The following NNT variants were observed in gnomAD, a reference collection of about 807,000 sequenced individuals.
NNT encodes the protein nicotinamide nucleotide transhydrogenase.
In NNT, 50 loss-of-function variants were observed where a neutral mutation model predicts 104.8. That is an observed-to-expected ratio of 0.48 (90% confidence interval 0.38 to 0.60). The LOEUF is 0.60. NNT is among the 20% of genes least tolerant of loss of function. NNT has a pLI of 0.00. For missense variants in NNT, 1,131 were observed against 1,330.7 expected, an observed-to-expected ratio of 0.85 and a Z score of 2.33; for synonymous variants, 461 against 490.4, an observed-to-expected ratio of 0.94 and a Z score of 0.79.
chr5:43,640,430 T>C (rs1484439205), intron 7 of NNT, among the ~76,000 whole-genome samples: 5 of 152,140 alleles, frequency 3.3e-5, no homozygotes, highest in South Asian at 2.1e-4. Context: ...GGCTTTTCAA[T>C]TGGTAAGTAA....
intron 21 of NNT, among the ~76,000 whole-genome samples, chr5:43,703,010 G>A (rs1742939772): frequency 6.6e-6 from 1 of 152,148 alleles, no homozygotes; most frequent in Non-Finnish European, 1.5e-5. Context: ...AGAGCTGTGA[G>A]CTTTTGTAAT....
In NNT at chr5:43,676,149, C is replaced by T. The variant is rs541961866; in HGVS notation, c.2794+479C>T. Among the ~76,000 whole-genome samples, 10 of 152,272 alleles carry T rather than the reference C, an allele frequency of 6.6e-5. No individual in the cohort carries two copies. In the East Asian group the frequency reaches 1.5e-3, roughly 24 times the overall value. On this transcript the variant is annotated intron_variant, in intron 18 of 21. Transcript: ENST00000344920. Reference sequence around the variant, plus strand: ...GTAGAAAGAGCTTGGTATGGAGTCACGATACCTCACTTTTGTTCTTAATTT... The same window carrying T: ...GTAGAAAGAGCTTGGTATGGAGTCATGATACCTCACTTTTGTTCTTAATTT...
At chr5:43,699,048 T>C (rs923761984) in intron 19 of NNT, among the ~76,000 whole-genome samples, 2 of 152,124 alleles carry the variant, frequency 1.3e-5, no homozygotes, top group Admixed American at 1.3e-4. Flanking sequence ...TCACTTCTTA[T>C]GGAGCCCTTT....
chr5:43,608,741 G>A (rs1374353392), intron 1 of NNT, among the ~76,000 whole-genome samples: 1 of 152,164 alleles, frequency 6.6e-6, no homozygotes, highest in Non-Finnish European at 1.5e-5. Context: ...AAATTCAAAG[G>A]TAACTGAATT....
chr5:43,681,259 C>CAAAAAA (rs559273026), intron 19 of NNT, among the ~76,000 whole-genome samples: 4 of 58,686 alleles, frequency 6.8e-5, no homozygotes, highest in African/African-American at 1.6e-4. Flanking sequence ...GGCTCCTTCT[C>CAAAAAA]AAAAAAAAAA....
At chr5:43,682,726 T>C (rs1216820663) in intron 19 of NNT, among the ~76,000 whole-genome samples, 3 of 152,228 alleles carry the variant, frequency 2.0e-5, no homozygotes, top group African/African-American at 7.2e-5. Flanking sequence ...CAGTTTCATG[T>C]CAGCTTTGTA....
At chr5:43,629,359 A>G (rs1750553812) in intron 7 of NNT, among the ~76,000 whole-genome samples, 1 of 152,080 alleles carries the variant, frequency 6.6e-6, no homozygotes, top group Non-Finnish European at 1.5e-5. Context: ...ATGTATATGT[A>G]TGTTTATCTA....
At chr5:43,614,863 C>T (rs1046156258) in intron 3 of NNT, among the ~76,000 whole-genome samples, 17 of 152,168 alleles carry the variant, frequency 1.1e-4, no homozygotes, top group Admixed American at 3.3e-4. Context: ...GATGGCCGGG[C>T]GCAGTGGCTC....
chr5:43,640,584 T>C (rs1751177482), intron 7 of NNT, among the ~76,000 whole-genome samples: 1 of 152,130 alleles, frequency 6.6e-6, no homozygotes, highest in Non-Finnish European at 1.5e-5. Context: ...TGTGGTTTTT[T>C]TGGAGATGCT....
chr5:43,616,885 T>C (rs777424219), intron 4 of NNT, among the ~76,000 whole-genome samples: 4 of 152,160 alleles, frequency 2.6e-5, no homozygotes, highest in Non-Finnish European at 5.9e-5. Flanking sequence ...ATTTTAATCA[T>C]GAAAACTATT....
chr5:43,613,034 C>T lies in NNT; in HGVS notation c.278C>T (p.Ser93Leu), dbSNP rs200498161. 25 of 1,614,058 alleles carry T rather than the reference C, an allele frequency of 1.5e-5. No individual in the cohort carries two copies. The highest frequency in any genetic ancestry group is 2.2e-5 in the East Asian group (1 of 44,864). The stretch of plus-strand genomic sequence containing the variant: ...CAGGGTTTTAATGTTGTCGTGGAAT[C>T]GGGTGCGGGCGAAGCTTCCAAGTTC... ...VKQGFNVVVESGAGEASKFSD... is the reference protein window; with the variant it reads ...VKQGFNVVVELGAGEASKFSD... The change falls in exon 3 of 22, where the codon TCG becomes TTG. Residue 93 changes from serine to leucine, a missense_variant. Ser to Leu is a moderately radical substitution (Grantham distance 145, BLOSUM62 -2). Coordinates refer to ENST00000344920, the MANE Select transcript of NNT (RefSeq NM_182977.3).
At chr5:43,639,360 T>C (rs1025528762) in intron 7 of NNT, among the ~76,000 whole-genome samples, 2 of 152,152 alleles carry the variant, frequency 1.3e-5, no homozygotes, top group African/African-American at 2.4e-5. Context: ...AACACATGCA[T>C]GAGGCAGTTT....
intron 20 of NNT, among the ~76,000 whole-genome samples, chr5:43,700,656 T>C (rs1356811427): frequency 6.6e-6 from 1 of 152,234 alleles, no homozygotes; most frequent in African/African-American, 2.4e-5. Flanking sequence ...TGGTTTTCAA[T>C]TGTACTAACG....
chr5:43,691,460 A>G (rs1275058733), intron 19 of NNT, among the ~76,000 whole-genome samples: 1 of 152,056 alleles, frequency 6.6e-6, no homozygotes, highest in Non-Finnish European at 1.5e-5. Flanking sequence ...AACCTTATCC[A>G]AGTGCCCTCT....
chr5:43,672,981 T>C (rs1462487839), intron 17 of NNT, among the ~76,000 whole-genome samples: 3 of 152,224 alleles, frequency 2.0e-5, no homozygotes, highest in Admixed American at 1.3e-4. Flanking sequence ...GGCTCAGCAA[T>C]GGTGGGCGTC....
intron 17 of NNT, among the ~76,000 whole-genome samples, chr5:43,672,841 G>A (rs1480466952): frequency 6.6e-6 from 1 of 152,230 alleles, no homozygotes; most frequent in Non-Finnish European, 1.5e-5. Context: ...GTCTGCAGAG[G>A]TTTCTGCTGC....
chr5:43,689,167 G>A (rs544302428), intron 19 of NNT, among the ~76,000 whole-genome samples: 12 of 152,190 alleles, frequency 7.9e-5, no homozygotes, highest in East Asian at 3.9e-4. Context: ...TATCCTAGTC[G>A]GACATTTGTA....
intron 7 of NNT, among the ~76,000 whole-genome samples, chr5:43,636,146 C>T (rs953299732): frequency 5.9e-5 from 9 of 152,168 alleles, no homozygotes; most frequent in Admixed American, 2.6e-4. Context: ...ATAAAAATTT[C>T]TACCTTGCAA....
intron 19 of NNT, among the ~76,000 whole-genome samples, chr5:43,695,054 C>A (rs1344381739): frequency 6.6e-6 from 1 of 152,004 alleles, no homozygotes; most frequent in Admixed American, 6.6e-5. Context: ...GGAATGTGTT[C>A]AATTCTTTTA....
Sources: gnomAD v4.1 joint callset for allele counts (sites outside exome capture counted in the v4.1 genomes callset) on GRCh38, gnomAD v4.1.1 for gene constraint, MANE v1.5 for transcripts, NCBI Gene and HGNC (gene_info 2026-07-23, HGNC 2026-07-21) for gene names.